Variants in CTBP2 observed in about 807,000 individuals in gnomAD.
CTBP2 encodes C-terminal-binding protein 2.
In CTBP2, 30 loss-of-function variants were observed where a neutral mutation model predicts 80.3. The ratio of observed to expected loss-of-function variants is 0.37; its 90% CI spans 0.28 to 0.51. The LOEUF is 0.51. Among genes scored for constraint, CTBP2 ranks in the 20% least tolerant of loss-of-function variants. CTBP2 has a pLI of 0.93. For missense variants in CTBP2, 1,212 were observed against 1,375.3 expected, an observed-to-expected ratio of 0.88 and a Z score of 1.88; for synonymous variants, 594 against 587.4, an observed-to-expected ratio of 1.01 and a Z score of -0.16.
At position 125,156,988 on chromosome 10, in the gene CTBP2, G is replaced by A. The variant is rs574145020; in HGVS notation, c.-206+3331C>T. 1.1e-4 allele frequency among the ~76,000 whole-genome samples: 17 copies of A among 152,322 alleles called. No homozygotes were observed. In the South Asian group the frequency reaches 1.5e-3, roughly 13 times the overall value. On this transcript the variant is annotated intron_variant, in intron 1 of 10. Coordinates refer to the CTBP2 transcript ENST00000337195. ...AGCACACACAACTTGGCAGGGACAGGAACAGGTGTGCCCCGACTCTCAAAA... is the reference window on the plus strand; with the variant it reads ...AGCACACACAACTTGGCAGGGACAGAAACAGGTGTGCCCCGACTCTCAAAA...
chr10:125,063,121 C>T (rs1163250575), intron 2 of CTBP2, among the ~76,000 whole-genome samples: 2 of 152,220 alleles, frequency 1.3e-5, no homozygotes, highest in Non-Finnish European at 2.9e-5. Flanking sequence ...ACCTCAGCCG[C>T]AACTGTGTGC....
chr10:125,057,142 A>G (rs917224775), intron 2 of CTBP2, among the ~76,000 whole-genome samples: 1 of 152,244 alleles, frequency 6.6e-6, no homozygotes, highest in Non-Finnish European at 1.5e-5. Context: ...AGAGGCACCC[A>G]GGAAGGGTTA....
chr10:124,989,482 A>G lies in CTBP2; in HGVS notation c.*36T>C. On this transcript the variant is annotated 3_prime_UTR_variant, in exon 9 of 9. Transcript: ENST00000309035. ...CTATTTTTCACTGTCTCTTGGTCCCAAGTGTATCTGAGTGATTACCTTCTG... is the reference window on the plus strand; with the variant it reads ...CTATTTTTCACTGTCTCTTGGTCCCGAGTGTATCTGAGTGATTACCTTCTG... 1 of 1,584,412 alleles carries G rather than the reference A, an allele frequency of 6.3e-7. No individual in the cohort carries two copies. Among genetic ancestry groups the G allele is most frequent in the South Asian group, 1.1e-5 (1 of 90,418 alleles).
intron 1 of CTBP2, among the ~76,000 whole-genome samples, chr10:125,157,055 A>C (rs999452120): frequency 6.6e-6 from 1 of 152,206 alleles, no homozygotes; most frequent in Admixed American, 6.5e-5. Context: ...CGTGTTTTTT[A>C]CAATGGCAGT....
chr10:125,119,637 T>C (rs1442806527), intron 1 of CTBP2, among the ~76,000 whole-genome samples: 1 of 152,256 alleles, frequency 6.6e-6, no homozygotes, highest in African/African-American at 2.4e-5. Context: ...GTGAATCTCA[T>C]TTTTAGTATA....
chr10:125,044,168 G>A (rs1366041383), intron 2 of CTBP2, among the ~76,000 whole-genome samples: 3 of 152,186 alleles, frequency 2.0e-5, no homozygotes, highest in Non-Finnish European at 4.4e-5. Context: ...CCAAACGACA[G>A]GACTCACTCC....
At chr10:125,045,167 G>GAT (rs960517571) in intron 2 of CTBP2, among the ~76,000 whole-genome samples, 9 of 152,110 alleles carry the variant, frequency 5.9e-5, no homozygotes, top group African/African-American at 2.2e-4. Flanking sequence ...CCCAATAGAT[G>GAT]ATCTTGCTGC....
intron 1 of CTBP2, chr10:125,005,997 T>G: frequency 7.0e-7 from 1 of 1,436,594 alleles, no homozygotes; most frequent in Non-Finnish European, 9.1e-7. Flanking sequence ...CTGGGGAGCC[T>G]GAGAGGCCAT....
intron 1 of CTBP2, among the ~76,000 whole-genome samples, chr10:125,015,498 G>A (rs1956380015): frequency 6.6e-6 from 1 of 152,232 alleles, no homozygotes; most frequent in Non-Finnish European, 1.5e-5. Flanking sequence ...CTGCCTCGCT[G>A]GGGCCACAGC....
intron 2 of CTBP2, among the ~76,000 whole-genome samples, chr10:125,067,287 G>T (rs1018613328): frequency 6.6e-6 from 1 of 152,204 alleles, no homozygotes; most frequent in Non-Finnish European, 1.5e-5. Context: ...CCACCGCCAT[G>T]TGGGGCCTAA....
At chr10:125,149,217 C>T (rs79157201) in intron 1 of CTBP2, among the ~76,000 whole-genome samples, 6,636 of 152,268 alleles carry the variant, frequency 0.044, 449 homozygotes, top group African/African-American at 0.15. Flanking sequence ...GGAACCTGCA[C>T]GCCGCAGTCA....
At chr10:125,029,707 C>T (rs148384165), upstream of CTBP2, among the ~76,000 whole-genome samples, 198 of 152,226 alleles carry the variant, frequency 1.3e-3, 1 homozygote, top group Admixed American at 2.4e-3. Context: ...TGGAGCATTC[C>T]GGGAAAATCC....
At chr10:125,126,548 CAG>C (rs1008266274) in intron 1 of CTBP2, among the ~76,000 whole-genome samples, 1 of 152,210 alleles carries the variant, frequency 6.6e-6, no homozygotes, top group African/African-American at 2.4e-5. Flanking sequence ...CAGAAAGCCA[CAG>C]ATGAACCGAA....
intron 2 of CTBP2, among the ~76,000 whole-genome samples, chr10:125,040,341 G>C (rs1233907317): frequency 3.3e-5 from 5 of 151,364 alleles, no homozygotes; most frequent in Non-Finnish European, 5.9e-5. Flanking sequence ...TGTAATCCCA[G>C]CTACTTGGGA....
At chr10:125,071,184 A>C (rs1391494288) in intron 2 of CTBP2, among the ~76,000 whole-genome samples, 1 of 152,134 alleles carries the variant, frequency 6.6e-6, no homozygotes, top group Non-Finnish European at 1.5e-5. Context: ...GCCTGCTGAG[A>C]GGGGAAACAG....
chr10:125,026,475 G>C lies in CTBP2; in HGVS notation c.1285C>G (p.His429Asp). ...GAGTTGGAGGGGAAGTGTGGGGCAT[G>C]GGTGCCCACGCCAGGGGCAGAATAG... The change falls in exon 1 of 9, where the codon CAT becomes GAT. Residue 429 changes from histidine (H) to aspartate (D), a missense_variant. Coordinates refer to ENST00000309035, the MANE Select transcript of CTBP2 (RefSeq NM_022802.3). 5 of 1,600,820 alleles carry C rather than the reference G, an allele frequency of 3.1e-6. No individual in the cohort carries two copies. The highest frequency in any genetic ancestry group is 4.3e-6 in the Non-Finnish European group (5 of 1,171,000).
chr10:125,112,646 A>G (rs1852502341), intron 1 of CTBP2, among the ~76,000 whole-genome samples: 1 of 150,972 alleles, frequency 6.6e-6, no homozygotes, highest in Non-Finnish European at 1.5e-5. Flanking sequence ...TCAGGCTGGT[A>G]TCAAACTCCT....
intron 2 of CTBP2, among the ~76,000 whole-genome samples, chr10:125,089,060 C>A (rs1000856482): frequency 2.0e-5 from 3 of 152,200 alleles, no homozygotes; most frequent in Non-Finnish European, 4.4e-5. Context: ...GTTCTAATTT[C>A]TTTAATAGGG....
Position 125,024,638 on chromosome 10 carries a change from T to G in CTBP2, c.1678+1444A>C, listed in dbSNP as rs899993243. 7.2e-5 allele frequency among the ~76,000 whole-genome samples: 11 copies of G among 152,370 alleles called. No homozygotes were observed. The East Asian group carries it at 1.7e-3, about 24-fold the overall frequency. On this transcript the variant is annotated intron_variant, in intron 1 of 8. Transcript: ENST00000309035. ...GATTATGACCAAACCCTCCTGTCAC[T>G]TAGCAACACATAATTAAGGAATATG... is the stretch of plus-strand genomic sequence containing the variant.
Sources: allele counts gnomAD v4.1 joint callset (sites outside exome capture counted in the v4.1 genomes callset), GRCh38; gene constraint gnomAD v4.1.1; transcripts MANE v1.5; gene names NCBI Gene and HGNC (gene_info 2026-07-23, HGNC 2026-07-21).